C1orf198: variants seen among roughly 807,000 people sequenced by gnomAD.
C1orf198 encodes the protein uncharacterized protein C1orf198.
C1orf198 carries 17 observed loss-of-function variants against 31.4 expected under a neutral mutation model. The observed-to-expected ratio is 0.54, with a 90% CI of 0.37 to 0.81. The LOEUF (loss-of-function observed/expected upper bound fraction) is 0.81. C1orf198 is among the 40% of genes least tolerant of loss of function. The pLI, the probability that C1orf198 is intolerant of heterozygous loss-of-function variation, is 0.00. For missense variants in C1orf198, 401 were observed against 450.3 expected (o/e 0.89, Z 0.99); for synonymous variants, 175 against 193.8 (o/e 0.90, Z 0.81).
intron 1 of C1orf198, among the ~76,000 whole-genome samples, chr1:230,859,915 G>A (rs1558142073): frequency 1.3e-5 from 2 of 152,044 alleles, no homozygotes; most frequent in Non-Finnish European, 2.9e-5. Context: ...TTCTTTACTT[G>A]TTGATAAAAA....
In C1orf198 at chr1:230,868,256, C is replaced by T. The variant is rs1262091742; in HGVS notation, c.257G>A (p.Gly86Glu). The part of the protein sequence containing the change: ...GPRAPAPRDP[G>E]DSEELTRFPG... ...GAAGCGCGTGAGCTCCTCCGAGTCC[C>T]CGGGGTCTCGGGGCGCCGGGGCGCG... The change falls in exon 1 of 4, where the codon GGG becomes GAG. Residue 86 changes from glycine (G) to glutamate (E), a missense_variant. Gly to Glu is a moderately conservative substitution (Grantham distance 98). Coordinates refer to ENST00000366663, the MANE Select transcript of C1orf198 (RefSeq NM_032800.3). The T allele has an allele frequency of 6.4e-7, 1 of 1,573,128 alleles. No homozygotes were observed. The highest frequency in any genetic ancestry group is 8.6e-7 in the Non-Finnish European group (1 of 1,161,798).
upstream of C1orf198, chr1:230,868,682 C>G: frequency 2.6e-6 from 1 of 381,836 alleles, no homozygotes; most frequent in Non-Finnish European, 3.7e-6. Flanking sequence ...CCCCGGCCCT[C>G]CGTGGCCCCC....
Position 230,837,748 on chromosome 1 carries a change from T to C in C1orf198, c.*2104A>G, listed in dbSNP as rs542957270. Reference sequence around the variant, plus strand: ...GACTCCCTCCAAGATTTCCTAATTTTTGATTTTACATTTAATCTCAGGAGG... The same window carrying C: ...GACTCCCTCCAAGATTTCCTAATTTCTGATTTTACATTTAATCTCAGGAGG... On this transcript the variant is annotated 3_prime_UTR_variant, in exon 4 of 4. Coordinates refer to ENST00000366663, the MANE Select transcript of C1orf198 (RefSeq NM_032800.3). The C allele has an allele frequency of 3.3e-5, 5 of 152,296 alleles. No homozygotes were observed. The South Asian group carries it at 1.0e-3, about 32-fold the overall frequency. The allele number at this position is 152,296 out of a possible 1,614,324, so 9.4% of individuals were successfully genotyped here. A position where few individuals can be genotyped will look rare whatever the true frequency, so the allele number is the denominator to read the frequency against.
At chr1:230,868,122 C>T in intron 1 of C1orf198, 58 bp downstream of exon 1, 1 of 1,327,730 alleles carries the variant, frequency 7.5e-7, no homozygotes. Context: ...GCCCACCGGG[C>T]CGGGGCGCCT....
At chr1:230,841,962 C>T (rs1669455323) in intron 3 of C1orf198, among the ~76,000 whole-genome samples, 1 of 152,196 alleles carries the variant, frequency 6.6e-6, no homozygotes, top group African/African-American at 2.4e-5. Flanking sequence ...CCTTAGAAGG[C>T]AATTCTACAC....
intron 2 of C1orf198, among the ~76,000 whole-genome samples, chr1:230,852,377 T>C (rs1285781237): frequency 6.6e-6 from 1 of 152,080 alleles, no homozygotes; most frequent in Non-Finnish European, 1.5e-5. Context: ...AGAAAATAGA[T>C]GGTGGCTGCC....
At chr1:230,853,470 G>T (rs1016817456) in intron 2 of C1orf198, among the ~76,000 whole-genome samples, 1 of 152,044 alleles carries the variant, frequency 6.6e-6, no homozygotes, top group Non-Finnish European at 1.5e-5. Context: ...GACAAAGGAG[G>T]AATGAGTGAT....
intron 1 of C1orf198, among the ~76,000 whole-genome samples, chr1:230,860,425 C>A (rs1433096534): frequency 6.6e-6 from 1 of 152,158 alleles, no homozygotes; most frequent in Non-Finnish European, 1.5e-5. Context: ...ATAGCTGTGC[C>A]ATTCACAATA....
intron 1 of C1orf198, among the ~76,000 whole-genome samples, chr1:230,859,578 C>T (rs1180215446): frequency 2.0e-5 from 3 of 152,024 alleles, no homozygotes; most frequent in Non-Finnish European, 4.4e-5. Flanking sequence ...TCACCAAATC[C>T]CAGAGCAGAA....
intron 1 of C1orf198, 40 bp from the exon 2 acceptor site, chr1:230,855,758 C>CAGACAT (rs763358198): frequency 6.2e-7 from 1 of 1,608,188 alleles, no homozygotes; most frequent in South Asian, 1.1e-5. Context: ...AATTCAAACC[C>CAGACAT]AGACATACCC....
chr1:230,851,032 A>T (rs937962244), intron 2 of C1orf198, among the ~76,000 whole-genome samples: 1 of 151,974 alleles, frequency 6.6e-6, no homozygotes, highest in African/African-American at 2.4e-5. Flanking sequence ...CAAGGGTGAA[A>T]GAATTCAGAG....
chr1:230,847,051 C>T (rs1669608202), intron 2 of C1orf198, among the ~76,000 whole-genome samples: 1 of 143,106 alleles, frequency 7.0e-6, no homozygotes, highest in East Asian at 2.1e-4. Flanking sequence ...TGCAGTGAGC[C>T]GAAATCCCGC....
rs113707303 is a variant in C1orf198, at chr1:230,855,394, G to A, written c.384+274C>T. 3.5e-3 allele frequency among the ~76,000 whole-genome samples: 527 copies of A among 152,256 alleles called. 3 individuals are homozygous for A. The highest frequency in any genetic ancestry group is 0.012 in the African/African-American group (508 of 41,532). ...GCTGGCCCCCTTAACCAAGCTGGCC[G>A]GGAGTCCTAGACAATGGGCATCATG... is the stretch of plus-strand genomic sequence containing the variant. On this transcript the variant is annotated intron_variant, in intron 2 of 3. Transcript: ENST00000366663.
At chr1:230,841,267 C>T (rs528751420) in intron 3 of C1orf198, among the ~76,000 whole-genome samples, 10 of 152,264 alleles carry the variant, frequency 6.6e-5, no homozygotes, top group Admixed American at 3.9e-4. Context: ...TGCAGAAACA[C>T]GAAGAGGACA....
At position 230,839,799 on chromosome 1, in the gene C1orf198, A is replaced by C; in HGVS notation, c.*53T>G. Reference sequence around the variant, plus strand: ...GTGGCCCTTTTTATCCTCCTCCACCACACCACTTTGGAAAACATTTTAGGG... The same window carrying C: ...GTGGCCCTTTTTATCCTCCTCCACCCCACCACTTTGGAAAACATTTTAGGG... On this transcript the variant is annotated 3_prime_UTR_variant, in exon 4 of 4. Coordinates refer to ENST00000366663, the MANE Select transcript of C1orf198 (RefSeq NM_032800.3). The C allele has an allele frequency of 6.5e-7, 1 of 1,538,170 alleles. No individual in the cohort carries two copies. Among genetic ancestry groups the C allele is most frequent in the Non-Finnish European group, 8.9e-7 (1 of 1,119,882 alleles).
chr1:230,855,872 G>A (rs1210531702), intron 1 of C1orf198, 154 bp from the exon 2 acceptor site: 19 of 1,451,392 alleles, frequency 1.3e-5, no homozygotes, highest in Admixed American at 2.5e-5. Flanking sequence ...AATATAATGC[G>A]CTGACCGTCT....
At chr1:230,856,500 A>G (rs912640366) in intron 1 of C1orf198, among the ~76,000 whole-genome samples, 10 of 152,272 alleles carry the variant, frequency 6.6e-5, no homozygotes, top group African/African-American at 2.4e-4. Flanking sequence ...ACCCGCAGTT[A>G]TTCCTGTGCT....
Position 230,838,331 on chromosome 1 carries a change from C to T in C1orf198, c.*1521G>A, listed in dbSNP as rs915474403. 2 of 152,478 alleles carry T rather than the reference C, an allele frequency of 1.3e-5. No individual in the cohort carries two copies. The highest frequency in any genetic ancestry group is 2.9e-5 in the Non-Finnish European group (2 of 68,024). The allele number at this position is 152,478 out of a possible 1,614,324, so 9.4% of individuals were successfully genotyped here. On this transcript the variant is annotated 3_prime_UTR_variant, in exon 4 of 4. Coordinates refer to ENST00000366663, the MANE Select transcript of C1orf198 (RefSeq NM_032800.3). The surrounding 1 kb of genome is among the most constrained non-coding windows in gnomAD (Gnocchi z 4.2). Reference sequence around the variant, plus strand: ...AAGATAAAACTATACCCCAAGGATCCAAATGAGGTTTAGGGACATAAAACA... The same window carrying T: ...AAGATAAAACTATACCCCAAGGATCTAAATGAGGTTTAGGGACATAAAACA...
Position 230,846,886 on chromosome 1 carries a change from G to A in C1orf198, c.385-2990C>T, listed in dbSNP as rs369193274. Among the ~76,000 whole-genome samples, 439 of 152,126 alleles carry A rather than the reference G, an allele frequency of 2.9e-3. 2 individuals carry two copies. The highest frequency in any genetic ancestry group is 0.01 in the African/African-American group (421 of 41,482). On this transcript the variant is annotated intron_variant, in intron 2 of 3. Transcript: ENST00000366663. ...TGGGAGGCCGAGGCGGGCGGATCAC[G>A]AGGTCAGGAGATCGAGACCATCCCG...
Sources: allele counts gnomAD v4.1 joint callset (sites outside exome capture counted in the v4.1 genomes callset), GRCh38; gene constraint gnomAD v4.1.1; non-coding constraint Gnocchi (gnomAD v3.1); transcripts MANE v1.5; gene names NCBI Gene and HGNC (gene_info 2026-07-23, HGNC 2026-07-21).